The following BLTP1 variants were observed in gnomAD, a reference collection of about 807,000 sequenced individuals.
BLTP1 encodes the protein fragile site-associated protein.
the BLTP1 span, chr4:122,277,057 T>C: frequency 2.0e-6 from 2 of 985,090 alleles, no homozygotes; most frequent in African/African-American, 3.5e-5. Context: ...TCAAGAATCA[T>C]TTGCCCATTT....
the BLTP1 span, chr4:122,271,808 C>G: frequency 1.1e-6 from 1 of 932,558 alleles, no homozygotes; most frequent in African/African-American, 1.7e-5. Context: ...ATCATGTTTT[C>G]TTAATGTCGT....
chr4:122,347,292 C>A, the BLTP1 span: 1 of 944,160 alleles, frequency 1.1e-6, no homozygotes, highest in Non-Finnish European at 1.3e-6. Flanking sequence ...GAGTGTATTC[C>A]CTCACCTGTA....
chr4:122,356,076 A>G, the BLTP1 span: 1 of 905,794 alleles, frequency 1.1e-6, no homozygotes. Context: ...TTTTTGTAAT[A>G]CTAATATCTA....
the BLTP1 span, chr4:122,182,845 C>G: frequency 1.0e-6 from 1 of 984,558 alleles, no homozygotes; most frequent in Non-Finnish European, 1.2e-6. Flanking sequence ...AAATCCCTCT[C>G]CCAGCTTAAC....
chr4:122,201,231 A>G, the BLTP1 span: 1 of 828,162 alleles, frequency 1.2e-6, no homozygotes, highest in Non-Finnish European at 1.8e-6. Flanking sequence ...TATGATTCAT[A>G]TTTTCTTCAA....
the BLTP1 span, chr4:122,299,138 AT>A: frequency 9.1e-6 from 9 of 984,862 alleles, no homozygotes; most frequent in Non-Finnish European, 1.1e-5. Context: ...AGAAATGTGT[AT>A]TTTTTGGCAA....
chr4:122,176,403 C>T, the BLTP1 span, among the ~76,000 whole-genome samples: 1 of 152,088 alleles, frequency 6.6e-6, no homozygotes, highest in Middle Eastern at 3.4e-3. Flanking sequence ...GAGGTATATA[C>T]TCTTCAGTAA....
the BLTP1 span, chr4:122,343,283 A>C: frequency 8.3e-7 from 1 of 1,211,216 alleles, no homozygotes; most frequent in Non-Finnish European, 1.1e-6. Flanking sequence ...TGATCTGTTA[A>C]ATCTATTGAT....
chr4:122,179,514 T>C, the BLTP1 span, among the ~76,000 whole-genome samples: 14 of 152,172 alleles, frequency 9.2e-5, no homozygotes, highest in Non-Finnish European at 1.6e-4. Context: ...TCCAGGATCT[T>C]TTTTGTTAAT....
chr4:122,188,205 T>G, the BLTP1 span: 1 of 1,183,394 alleles, frequency 8.5e-7, no homozygotes, highest in Non-Finnish European at 1.1e-6. Flanking sequence ...TAGGTATATT[T>G]CTCTATTAAA....
At chr4:122,245,832 A>G in the BLTP1 span, among the ~76,000 whole-genome samples, 1 of 152,146 alleles carries the variant, frequency 6.6e-6, no homozygotes, top group Admixed American at 6.6e-5. Flanking sequence ...AAAAGGGGCC[A>G]ATTATCAGAA....
At chr4:122,300,153 T>G in the BLTP1 span, among the ~76,000 whole-genome samples, 14 of 152,020 alleles carry the variant, frequency 9.2e-5, no homozygotes, top group Non-Finnish European at 1.9e-4. Flanking sequence ...GGATTACAGG[T>G]GCCCACCAGC....
At chr4:122,241,703 A>T in the BLTP1 span, among the ~76,000 whole-genome samples, 1 of 152,326 alleles carries the variant, frequency 6.6e-6, no homozygotes, top group African/African-American at 2.4e-5. Flanking sequence ...CTGTTTTCTT[A>T]TCTTGCCCAA....
chr4:122,300,688 G>T, the BLTP1 span, among the ~76,000 whole-genome samples: 1 of 152,022 alleles, frequency 6.6e-6, no homozygotes, highest in Non-Finnish European at 1.5e-5. Flanking sequence ...TAGTTATTTT[G>T]ATAATATCTG....
the BLTP1 span, chr4:122,334,287 C>G: frequency 7.3e-7 from 1 of 1,363,432 alleles, no homozygotes; most frequent in Non-Finnish European, 1.0e-6. Context: ...TTCTATATTT[C>G]TTGATTTTCC....
At chr4:122,192,369 G>A in the BLTP1 span, 4 of 1,600,622 alleles carry the variant, frequency 2.5e-6, no homozygotes, top group Non-Finnish European at 3.4e-6. Flanking sequence ...ACCATGGGCC[G>A]ATAGGCAGAG....
At chr4:122,238,000 AATT>A in the BLTP1 span, 1 of 1,358,580 alleles carries the variant, frequency 7.4e-7, no homozygotes, top group South Asian at 1.7e-5. Flanking sequence ...AAAAAAAAAA[AATT>A]ATACTTAAAA....
the BLTP1 span, chr4:122,169,718 T>C: frequency 8.1e-6 from 8 of 983,400 alleles, no homozygotes; most frequent in Admixed American, 6.1e-5. Context: ...TGCACACATA[T>C]GTGTATGCAT....
the BLTP1 span, chr4:122,256,669 C>T: frequency 6.0e-6 from 1 of 167,618 alleles, no homozygotes; most frequent in Non-Finnish European, 1.2e-5. Context: ...AGGAAAAGAG[C>T]CAAAAGTTTC....
Sources: allele counts gnomAD v4.1 joint callset (sites outside exome capture counted in the v4.1 genomes callset), GRCh38; gene constraint gnomAD v4.1.1; transcripts MANE v1.5; gene names NCBI Gene and HGNC (gene_info 2026-07-23, HGNC 2026-07-21).